Variants in ATF7IP2 observed in about 807,000 individuals in gnomAD.
ATF7IP2 encodes activating transcription factor 7-interacting protein 2.
ATF7IP2 carries 42 observed loss-of-function variants against 64.2 expected under a neutral mutation model. That is an observed-to-expected ratio of 0.65 (90% CI 0.51 to 0.85). The LOEUF (loss-of-function observed/expected upper bound fraction) is 0.85, where lower values mean the gene tolerates loss of function less well. Among genes scored for constraint, ATF7IP2 ranks in the 40% least tolerant of loss-of-function variants. The probability of loss-of-function intolerance (pLI) is 0.00; values close to 1 mark genes in which losing one functional copy is unlikely to be tolerated. For synonymous variants in ATF7IP2, 308 were observed against 272.8 expected, an observed-to-expected ratio of 1.13 and a Z score of -1.27; for missense variants, 933 against 784.2, an observed-to-expected ratio of 1.19 and a Z score of -2.27.
chr16:10,389,783 T>C (rs896068446), intron 1 of ATF7IP2, among the ~76,000 whole-genome samples: 1 of 152,362 alleles, frequency 6.6e-6, no homozygotes, highest in Middle Eastern at 3.4e-3. Context: ...AAAAAAGTAA[T>C]GTCAGAATTC....
chr16:10,454,918 G>C (rs2049117386), intron 8 of ATF7IP2, among the ~76,000 whole-genome samples: 1 of 152,050 alleles, frequency 6.6e-6, no homozygotes, highest in Non-Finnish European at 1.5e-5. Flanking sequence ...ATTTCATTTG[G>C]TCAGAGAACA....
intron 3 of ATF7IP2, among the ~76,000 whole-genome samples, chr16:10,421,392 G>A (rs2047985924): frequency 6.6e-6 from 1 of 152,150 alleles, no homozygotes; most frequent in African/African-American, 2.4e-5. Context: ...TTTGTTAATT[G>A]CTGAGGGCTA....
chr16:10,438,554 A>G (rs1596513316), intron 7 of ATF7IP2, among the ~76,000 whole-genome samples: 1 of 151,844 alleles, frequency 6.6e-6, no homozygotes, highest in South Asian at 2.1e-4. Flanking sequence ...CACCTGGCCC[A>G]TGTGAGTCCT....
intron 8 of ATF7IP2, among the ~76,000 whole-genome samples, chr16:10,452,751 C>A (rs578062682): frequency 6.6e-6 from 1 of 152,234 alleles, no homozygotes; most frequent in South Asian, 2.1e-4. Context: ...TCTATAAGCC[C>A]CTGCTGCCTT....
At position 10,431,473 on chromosome 16, in the gene ATF7IP2, C is replaced by T. The variant is rs539656187; in HGVS notation, c.835+18C>T. The T allele has an allele frequency of 4.1e-6, 6 of 1,473,770 alleles. No homozygotes were observed. In the African/African-American group the frequency reaches 5.7e-5, roughly 14 times the overall value. The allele number at this position is 1,473,770 out of a possible 1,614,324, so 91.3% of individuals were successfully genotyped here. ...TAACAACAGTAAGTATATACTTATG[C>T]ACCTTTTAGAAAAATTAAAATAGTC... On this transcript the variant is annotated intron_variant, in intron 5 of 13. Transcript: ENST00000562102.
At chr16:10,466,208 TATC>T (rs1432098022) in intron 9 of ATF7IP2, among the ~76,000 whole-genome samples, 1 of 152,262 alleles carries the variant, frequency 6.6e-6, no homozygotes, top group Non-Finnish European at 1.5e-5. Context: ...TGCTATATAA[TATC>T]ATATGAATAT....
intron 1 of ATF7IP2, among the ~76,000 whole-genome samples, chr16:10,393,145 A>G (rs888086013): frequency 4.0e-5 from 6 of 151,800 alleles, no homozygotes; most frequent in South Asian, 4.2e-4. Flanking sequence ...CCCCCTCTCT[A>G]CTAAAAATAC....
chr16:10,473,444 T>A (rs746819486), intron 10 of ATF7IP2, 35 bp from the exon 11 acceptor site: 1 of 1,274,404 alleles, frequency 7.8e-7, no homozygotes, highest in Admixed American at 1.8e-5. Context: ...ATAAATATTG[T>A]GTAATAAATT....
intron 8 of ATF7IP2, among the ~76,000 whole-genome samples, chr16:10,451,235 G>T (rs1419536891): frequency 6.6e-6 from 1 of 152,140 alleles, no homozygotes; most frequent in Admixed American, 6.5e-5. Flanking sequence ...TTTCTCTCTG[G>T]CTGCCCTTAA....
At chr16:10,444,986 G>T (rs1428749803) in intron 8 of ATF7IP2, among the ~76,000 whole-genome samples, 1 of 152,206 alleles carries the variant, frequency 6.6e-6, no homozygotes, top group East Asian at 1.9e-4. Context: ...AGGTATTTCT[G>T]TGTAATCAGT....
chr16:10,481,792 T>C (rs571266333), intron 13 of ATF7IP2, 44 bp from the exon 14 acceptor site: 8 of 1,464,858 alleles, frequency 5.5e-6, no homozygotes, highest in South Asian at 1.4e-5. Flanking sequence ...ACAACTGCAA[T>C]TGACCACTTT....
At position 10,477,423 on chromosome 16, in the gene ATF7IP2, A is replaced by T. The variant is rs2050051005; in HGVS notation, c.1549+3434A>T. Among the ~76,000 whole-genome samples the T allele has an allele frequency of 3.3e-5, 5 of 152,214 alleles. No homozygotes were observed. The South Asian group carries it at 1.0e-3, about 32-fold the overall frequency. Reference sequence around the variant, plus strand: ...CAGAAAAGGCCTTTGACAAAATTCAACAACCCTTCATGCTAAAAACTCTCA... The same window carrying T: ...CAGAAAAGGCCTTTGACAAAATTCATCAACCCTTCATGCTAAAAACTCTCA... On this transcript the variant is annotated intron_variant, in intron 12 of 13. Transcript: ENST00000562102.
At chr16:10,475,721 A>AG (rs200283019) in intron 12 of ATF7IP2, among the ~76,000 whole-genome samples, 2 of 79,330 alleles carry the variant, frequency 2.5e-5, no homozygotes, top group South Asian at 4.2e-4. Context: ...CTAAGAAGCC[A>AG]GAAAAAAAAA....
rs924174849 is a variant in ATF7IP2, at chr16:10,421,337, T to C, written c.-160+1714T>C. Among the ~76,000 whole-genome samples, 7 of 152,186 alleles carry C rather than the reference T, an allele frequency of 4.6e-5. No homozygotes were observed. The South Asian group carries it at 1.5e-3, about 32-fold the overall frequency. On this transcript the variant is annotated intron_variant, in intron 3 of 13. Coordinates refer to ENST00000562102, the MANE Select transcript of ATF7IP2 (RefSeq NM_001393719.1). ...TGGATCTTTTCTACTTATTTGAGCC[T>C]TATGCACTTGCTTCTCAATTAGCTG...
At chr16:10,412,020 T>G (rs1395277216) in intron 1 of ATF7IP2, among the ~76,000 whole-genome samples, 28 of 143,724 alleles carry the variant, frequency 1.9e-4, no homozygotes, top group Non-Finnish European at 2.3e-4. Flanking sequence ...GTTTTTTTTT[T>G]TTTTTTTTTT....
At chr16:10,403,349 G>T (rs544346350) in intron 1 of ATF7IP2, among the ~76,000 whole-genome samples, 1 of 152,098 alleles carries the variant, frequency 6.6e-6, no homozygotes, top group Non-Finnish European at 1.5e-5. Flanking sequence ...CTACTACTAC[G>T]ACTGGCATTT....
intron 3 of ATF7IP2, among the ~76,000 whole-genome samples, chr16:10,420,272 C>T (rs1314406961): frequency 4.6e-5 from 7 of 152,176 alleles, no homozygotes; most frequent in Non-Finnish European, 1.0e-4. Flanking sequence ...AGAAGACTGT[C>T]CTGATTGGCA....
chr16:10,419,513 A>G lies in ATF7IP2; in HGVS notation c.-202-68A>G, dbSNP rs552729527. 3.9e-5 allele frequency: 6 copies of G among 153,224 alleles called. No homozygotes were observed. The East Asian group carries it at 9.6e-4, about 25-fold the overall frequency. 9.5% of individuals were successfully genotyped at this position (153,224 alleles called of 1,614,324 possible). On this transcript the variant is annotated intron_variant, in intron 2 of 13. Transcript: ENST00000562102. ...CCTTGCTAAAGGAATACTCATGGCAATGGTGATCACTGCTATCATAGCTAT... is the reference window on the plus strand; with the variant it reads ...CCTTGCTAAAGGAATACTCATGGCAGTGGTGATCACTGCTATCATAGCTAT...
At chr16:10,404,336 T>C (rs778608339) in intron 1 of ATF7IP2, among the ~76,000 whole-genome samples, 6 of 152,206 alleles carry the variant, frequency 3.9e-5, no homozygotes, top group Non-Finnish European at 7.3e-5. Context: ...CACTGCACCT[T>C]CCGCCTCCCA....
Sources: gnomAD v4.1 joint callset for allele counts (sites outside exome capture counted in the v4.1 genomes callset) on GRCh38, gnomAD v4.1.1 for gene constraint, MANE v1.5 for transcripts, NCBI Gene and HGNC (gene_info 2026-07-23, HGNC 2026-07-21) for gene names.